Variants in XRN1 observed in about 807,000 individuals in gnomAD.
XRN1 encodes strand-exchange protein 1 homolog.
XRN1 carries 67 observed loss-of-function variants against 222.3 expected under a neutral mutation model. The observed-to-expected ratio is 0.30, with a 90% CI of 0.25 to 0.37. The LOEUF is 0.37. XRN1 is among the 10% of genes least tolerant of loss of function. The pLI, the probability that XRN1 is intolerant of heterozygous loss-of-function variation, is 1.00. For missense variants in XRN1, 1,707 were observed against 2,000.2 expected (o/e 0.85, Z 2.80); for synonymous variants, 643 against 652.4 (o/e 0.99, Z 0.22).
At chr3:142,437,266 T>G (rs2069956296) in intron 1 of XRN1, among the ~76,000 whole-genome samples, 1 of 152,214 alleles carries the variant, frequency 6.6e-6, no homozygotes, top group Admixed American at 6.5e-5. Flanking sequence ...ATTTTTCTTT[T>G]TAATTTAACA....
In XRN1 at chr3:142,355,044, A is replaced by G. The variant is rs113411534; in HGVS notation, c.3768+357T>C. Among the ~76,000 whole-genome samples, 1,242 of 149,216 alleles carry G rather than the reference A, an allele frequency of 8.3e-3. 18 individuals are homozygous for G. The highest frequency in any genetic ancestry group is 0.028 in the African/African-American group (1,136 of 40,842). On this transcript the variant is annotated intron_variant, in intron 32 of 40. Coordinates refer to ENST00000392981, the MANE Select transcript of XRN1 (RefSeq NM_001282857.2). ...AGCATTGGGGACACATGGTCATAAAAATGGGAATAACAGACACTGGGGGTT... is the reference window on the plus strand; with the variant it reads ...AGCATTGGGGACACATGGTCATAAAGATGGGAATAACAGACACTGGGGGTT...
chr3:142,409,431 C>CTT, intron 15 of XRN1, among the ~76,000 whole-genome samples: 1 of 152,296 alleles, frequency 6.6e-6, no homozygotes, highest in Non-Finnish European at 1.5e-5. Context: ...AAAGCACTTT[C>CTT]TTTACTCACT....
intron 36 of XRN1, among the ~76,000 whole-genome samples, chr3:142,329,903 T>G (rs1273657669): frequency 6.6e-6 from 1 of 152,168 alleles, no homozygotes; most frequent in Non-Finnish European, 1.5e-5. Context: ...AAAATTCAGT[T>G]AGACGCTATA....
chr3:142,413,291 A>G (rs1283122376), intron 14 of XRN1, among the ~76,000 whole-genome samples: 1 of 152,242 alleles, frequency 6.6e-6, no homozygotes, highest in Non-Finnish European at 1.5e-5. Context: ...TGGCATGGGC[A>G]CTGTACGATA....
intron 13 of XRN1, among the ~76,000 whole-genome samples, chr3:142,416,928 G>A (rs942423748): frequency 6.6e-6 from 1 of 151,162 alleles, no homozygotes; most frequent in Non-Finnish European, 1.5e-5. Flanking sequence ...GCTACTCAGG[G>A]GGTTGAGGCA....
intron 38 of XRN1, 31 bp downstream of exon 38, chr3:142,318,759 T>C: frequency 6.2e-7 from 1 of 1,612,208 alleles, no homozygotes; most frequent in South Asian, 1.1e-5. Flanking sequence ...CTAATAAAAA[T>C]TTTAATAGAG....
Position 142,422,691 on chromosome 3 carries a change from C to T in XRN1, c.858G>A (p.Gly286=). 1 of 1,612,278 alleles carries T rather than the reference C, an allele frequency of 6.2e-7. No individual in the cohort carries two copies. Among genetic ancestry groups the T allele is most frequent in the Non-Finnish European group, 8.5e-7 (1 of 1,178,558 alleles). The part of the protein sequence containing the change: ...ERIIDDWILM[G]FLVGNDFIPH... ...GGATAAAATCATTACCAACAAGAAACCCCATCAAAATCCAATCATCTATTA... is the reference window on the plus strand; with the variant it reads ...GGATAAAATCATTACCAACAAGAAATCCCATCAAAATCCAATCATCTATTA... Residue 286 remains glycine, a synonymous_variant, in exon 8 of 41, where the codon GGG becomes GGA. Coordinates refer to ENST00000392981, the MANE Select transcript of XRN1 (RefSeq NM_001282857.2).
chr3:142,373,926 G>A (rs1367729846), intron 25 of XRN1, among the ~76,000 whole-genome samples: 1 of 152,188 alleles, frequency 6.6e-6, no homozygotes, highest in African/African-American at 2.4e-5. Context: ...AGGTTGCAGT[G>A]AGCTGAGATC....
chr3:142,370,233 T>C lies in XRN1; in HGVS notation c.3204+252A>G, dbSNP rs535800197. ...TATTGAAAATATAATTTTATAAGTT[T>C]ATAATTAGTTATGATGGCTAATGTA... is the stretch of plus-strand genomic sequence containing the variant. On this transcript the variant is annotated intron_variant, in intron 27 of 40. Transcript: ENST00000392981. Among the ~76,000 whole-genome samples the C allele has an allele frequency of 2.2e-4, 34 of 152,280 alleles. No individual in the cohort carries two copies. The East Asian group carries it at 6.6e-3, about 29-fold the overall frequency.
chr3:142,375,780 A>G lies in XRN1; in HGVS notation c.2978+18T>C. On this transcript the variant is annotated intron_variant, in intron 25 of 40. Transcript: ENST00000392981. ...CTAAGATTTTGGAATGACTACTAGT[A>G]TCTTATTATGTACTTACCTCTCTAA... The G allele has an allele frequency of 6.3e-7, 1 of 1,599,494 alleles. No individual in the cohort carries two copies. Among genetic ancestry groups the G allele is most frequent in the Non-Finnish European group, 8.5e-7 (1 of 1,173,890 alleles).
chr3:142,415,012 G>C (rs750989037), intron 13 of XRN1, among the ~76,000 whole-genome samples: 29 of 152,158 alleles, frequency 1.9e-4, no homozygotes, highest in Non-Finnish European at 3.7e-4. Flanking sequence ...AAAAACAGTT[G>C]AACGTTCTGG....
At chr3:142,436,718 T>A (rs1313571465) in intron 1 of XRN1, among the ~76,000 whole-genome samples, 1 of 152,196 alleles carries the variant, frequency 6.6e-6, no homozygotes, top group Non-Finnish European at 1.5e-5. Context: ...GATTCATATT[T>A]GGCATGGAAT....
chr3:142,328,041 A>G (rs2065569791), intron 37 of XRN1, among the ~76,000 whole-genome samples: 3 of 152,164 alleles, frequency 2.0e-5, no homozygotes, highest in African/African-American at 7.2e-5. Context: ...TTGTGTATAT[A>G]TACACCACAT....
intron 33 of XRN1, among the ~76,000 whole-genome samples, chr3:142,336,303 T>A (rs1396069893): frequency 6.6e-6 from 1 of 152,144 alleles, no homozygotes; most frequent in Non-Finnish European, 1.5e-5. Context: ...TAATATTCTA[T>A]TATATTGGAT....
At position 142,319,907 on chromosome 3, in the gene XRN1, TACAC is replaced by T. The variant is rs113013809; in HGVS notation, c.4405-1008_4405-1005del. ...AGGATAGTAGTACATGGTGTGTGTA[TACAC>T]ACACACACACACACACACACGCACG... On this transcript the variant is annotated intron_variant, in intron 37 of 40. Transcript: ENST00000392981. Among the ~76,000 whole-genome samples, 436 of 148,878 alleles carry T rather than the reference TACAC, an allele frequency of 2.9e-3. 3 individuals carry two copies. The highest frequency in any genetic ancestry group is 8.4e-3 in the African/African-American group (340 of 40,636).
At position 142,311,670 on chromosome 3, in the gene XRN1, CA is replaced by C; in HGVS notation, c.4925del (p.Leu1642Ter). 1 of 1,614,104 alleles carries C rather than the reference CA, an allele frequency of 6.2e-7. No individual in the cohort carries two copies. Among genetic ancestry groups the C allele is most frequent in the Non-Finnish European group, 8.5e-7 (1 of 1,180,006 alleles). On this transcript the variant is annotated frameshift_variant, in exon 41 of 41. Transcript: ENST00000392981. LOFTEE classifies it high-confidence loss of function. The part of the protein sequence containing the change: ...VSPRESSSAS[L>X]KSSPIAQPAS... ...CAGGTTGAGCAATCGGAGAGGACTT[CA>C]AAGAAGCTGATGAGCTCTCCCGTGG...
chr3:142,370,464 T>C (rs756342920), intron 27 of XRN1, 21 bp downstream of exon 27: 1 of 1,586,106 alleles, frequency 6.3e-7, no homozygotes. Flanking sequence ...ATCAATAATC[T>C]TGGTTACTGA....
At chr3:142,342,783 T>C (rs1443736497) in intron 33 of XRN1, among the ~76,000 whole-genome samples, 1 of 152,008 alleles carries the variant, frequency 6.6e-6, no homozygotes, top group African/African-American at 2.4e-5. Context: ...AAAATCAAAA[T>C]GGATTAAAGA....
At chr3:142,354,492 T>G (rs2066406231) in intron 32 of XRN1, among the ~76,000 whole-genome samples, 1 of 152,232 alleles carries the variant, frequency 6.6e-6, no homozygotes, top group South Asian at 2.1e-4. Flanking sequence ...GAGTTGCATT[T>G]GCTATTCACA....
Sources: allele counts gnomAD v4.1 joint callset (sites outside exome capture counted in the v4.1 genomes callset), GRCh38; gene constraint gnomAD v4.1.1; transcripts MANE v1.5; gene names NCBI Gene and HGNC (gene_info 2026-07-23, HGNC 2026-07-21).